ZHX2: variants seen among roughly 807,000 people sequenced by gnomAD.
ZHX2 encodes zinc fingers and homeoboxes protein 2.
In ZHX2, 6 loss-of-function variants were observed where a neutral mutation model predicts 21.9. That is an observed-to-expected ratio of 0.27 (90% CI 0.15 to 0.54). The LOEUF is 0.54. ZHX2 is among the 20% of genes least tolerant of loss of function. The pLI is 0.95. For missense variants in ZHX2, 908 were observed against 1,090.7 expected (o/e 0.83, Z 2.36); for synonymous variants, 434 against 437.1 (o/e 0.99, Z 0.09).
chr8:122,818,312 C>A (rs1054392784), intron 1 of ZHX2, among the ~76,000 whole-genome samples: 5 of 145,534 alleles, frequency 3.4e-5, no homozygotes, highest in Admixed American at 2.0e-4. Flanking sequence ...AAAAAAAAAA[C>A]AACCATTTTG....
chr8:122,879,383 T>C (rs1819647531), intron 2 of ZHX2, among the ~76,000 whole-genome samples: 1 of 151,980 alleles, frequency 6.6e-6, no homozygotes, highest in African/African-American at 2.4e-5. Flanking sequence ...ACTTTTGTAT[T>C]TTTAGTAGAG....
chr8:122,903,510 T>C (rs1363043551), intron 2 of ZHX2, among the ~76,000 whole-genome samples: 1 of 152,182 alleles, frequency 6.6e-6, no homozygotes, highest in Non-Finnish European at 1.5e-5. Context: ...AAATGGGTCT[T>C]GTGTGCAGGG....
At position 122,952,845 on chromosome 8, in the gene ZHX2, G is replaced by A. The variant is rs1365764136; in HGVS notation, c.1335G>A (p.Lys445=). 1 of 1,614,058 alleles carries A rather than the reference G, an allele frequency of 6.2e-7. No individual in the cohort carries two copies. The highest frequency in any genetic ancestry group is 8.5e-7 in the Non-Finnish European group (1 of 1,180,050). The change falls in exon 3 of 4, where the codon AAG becomes AAA. Residue 445 remains lysine, a synonymous_variant. Transcript: ENST00000314393. This position sits in a 1 kb window ranked among gnomAD's most constrained non-coding sequence, Gnocchi z 6.9. ...CGCTCACACCAGCCAGTGACCGCAA[G>A]AAGACAAAGGAGCAGATAGCACATC... is the stretch of plus-strand genomic sequence containing the variant. The part of the protein sequence containing the change: ...NPPLTPASDR[K]KTKEQIAHLK...
chr8:122,931,996 G>A (rs148987912), intron 2 of ZHX2, among the ~76,000 whole-genome samples: 6 of 152,284 alleles, frequency 3.9e-5, no homozygotes, highest in African/African-American at 1.2e-4. Flanking sequence ...ACTCTCTAAA[G>A]ACTAGCATTT....
chr8:122,880,678 G>C (rs1819691886), intron 2 of ZHX2, among the ~76,000 whole-genome samples: 1 of 151,630 alleles, frequency 6.6e-6, no homozygotes, highest in African/African-American at 2.4e-5. Context: ...AGGAGGCAGA[G>C]GCAGGAAAAT....
intron 1 of ZHX2, among the ~76,000 whole-genome samples, chr8:122,821,893 C>G (rs1468524518): frequency 2.0e-5 from 3 of 152,006 alleles, no homozygotes; most frequent in Admixed American, 2.0e-4. Flanking sequence ...TTAGTAGAGA[C>G]AGAGTTTCCC....
intron 1 of ZHX2, among the ~76,000 whole-genome samples, chr8:122,794,274 CT>C (rs35074286): frequency 0.36 from 53,061 of 147,780 alleles, 9,649 homozygotes; most frequent in Non-Finnish European, 0.42. Flanking sequence ...TTTTTTCCAT[CT>C]TTTTTTTTTT....
At chr8:122,911,147 G>T (rs1820471934) in intron 2 of ZHX2, among the ~76,000 whole-genome samples, 1 of 150,446 alleles carries the variant, frequency 6.6e-6, no homozygotes, top group African/African-American at 2.5e-5. Context: ...TCTCACTGTG[G>T]GTCTCAGAAA....
intron 2 of ZHX2, among the ~76,000 whole-genome samples, chr8:122,901,505 G>C (rs899199330): frequency 6.6e-6 from 1 of 152,148 alleles, no homozygotes; most frequent in Non-Finnish European, 1.5e-5. Context: ...AAACTAAGAT[G>C]GTTCTTTGGC....
intron 3 of ZHX2, among the ~76,000 whole-genome samples, chr8:122,957,839 C>T (rs1365805144): frequency 6.6e-6 from 1 of 152,118 alleles, no homozygotes; most frequent in Non-Finnish European, 1.5e-5. Flanking sequence ...AGTTCTCCCA[C>T]ATCCTGGACA....
At chr8:122,900,457 G>T (rs1187388209) in intron 2 of ZHX2, among the ~76,000 whole-genome samples, 1 of 152,244 alleles carries the variant, frequency 6.6e-6, no homozygotes, top group East Asian at 1.9e-4. Flanking sequence ...CTGACCCCAT[G>T]ACCCAAACAC....
chr8:122,871,161 C>T (rs1375437622), intron 2 of ZHX2, among the ~76,000 whole-genome samples: 1 of 152,126 alleles, frequency 6.6e-6, no homozygotes, highest in Non-Finnish European at 1.5e-5. Flanking sequence ...TTTCCTGAGC[C>T]TCAGTTTCCT....
intron 1 of ZHX2, among the ~76,000 whole-genome samples, chr8:122,801,323 G>A (rs1817715587): frequency 6.6e-6 from 1 of 152,116 alleles, no homozygotes; most frequent in Non-Finnish European, 1.5e-5. Context: ...TTCCCATAAT[G>A]ACTCTTTCTG....
chr8:122,958,386 A>G (rs1813360156), intron 3 of ZHX2, among the ~76,000 whole-genome samples: 1 of 152,202 alleles, frequency 6.6e-6, no homozygotes, highest in South Asian at 2.1e-4. Flanking sequence ...TTTCAGAAAA[A>G]TGAGTCAACG....
chr8:122,953,937 T>A lies in ZHX2; in HGVS notation c.2427T>A (p.Asp809Glu). 2 of 1,614,132 alleles carry A rather than the reference T, an allele frequency of 1.2e-6. No homozygotes were observed. The highest frequency in any genetic ancestry group is 1.7e-6 in the Non-Finnish European group (2 of 1,180,010). ...GEEDAISDRSDSWSQAAAEGV... is the reference protein window; with the variant it reads ...GEEDAISDRSESWSQAAAEGV... ...AGGATGCGATCTCAGATAGATCAGA[T>A]AGCTGGAGTCAGGCTGCGGCAGAAG... Residue 809 changes from aspartate to glutamate, a missense_variant, in exon 3 of 4, where the codon GAT becomes GAA. Physicochemically the swap from Asp to Glu is conservative, Grantham distance 45 (BLOSUM62 2). Around this residue, in one of 4 missense-constraint regions of ZHX2, gnomAD observed 431 missense variants for 428.6 expected, o/e 1.01. Coordinates refer to ENST00000314393, the MANE Select transcript of ZHX2 (RefSeq NM_014943.5). The surrounding 1 kb of genome is among the most constrained non-coding windows in gnomAD (Gnocchi z 4.6).
chr8:122,910,880 C>A (rs536504915), intron 2 of ZHX2, among the ~76,000 whole-genome samples: 1 of 152,186 alleles, frequency 6.6e-6, no homozygotes, highest in Admixed American at 6.6e-5. Flanking sequence ...AAACAAAAAA[C>A]GATTAAGAAT....
Position 122,952,742 on chromosome 8 carries a change from C to G in ZHX2, c.1232C>G (p.Thr411Ser), listed in dbSNP as rs1225981243. Residue 411 changes from threonine to serine, a missense_variant, in exon 3 of 4, where the codon ACT becomes AGT. By Grantham distance (58) the Thr-to-Ser change is moderately conservative. Transcript: ENST00000314393. This position sits in a 1 kb window ranked among gnomAD's most constrained non-coding sequence, Gnocchi z 6.9. ...CATGGCCAGAAGAGACCCTTGGTGA[C>G]TCCCCAAGCTGCCCCCGAACCCAAG... ...TNHGQKRPLV[T>S]PQAAPEPKRP... is the part of the protein sequence containing the mutation. 6.2e-7 allele frequency: 1 copy of G among 1,614,102 alleles called. No homozygotes were observed. The highest frequency in any genetic ancestry group is 1.7e-5 in the Admixed American group (1 of 60,008).
chr8:122,910,479 G>A (rs1432057357), intron 2 of ZHX2, among the ~76,000 whole-genome samples: 3 of 152,190 alleles, frequency 2.0e-5, no homozygotes, highest in Non-Finnish European at 4.4e-5. Context: ...TTGTGAAATC[G>A]GTTTAGCAGG....
chr8:122,800,121 G>C (rs1817688798), intron 1 of ZHX2, among the ~76,000 whole-genome samples: 1 of 152,200 alleles, frequency 6.6e-6, no homozygotes, highest in African/African-American at 2.4e-5. Context: ...CTCCCAAAGT[G>C]CTAGGATTAT....
Sources: gnomAD v4.1 joint callset for allele counts (sites outside exome capture counted in the v4.1 genomes callset) on GRCh38, gnomAD v4.1.1 for gene constraint, gnomAD v4.1.1 regional missense constraint, Gnocchi (gnomAD v3.1) non-coding constraint, MANE v1.5 for transcripts, NCBI Gene and HGNC (gene_info 2026-07-23, HGNC 2026-07-21) for gene names.